LINGO2: variants seen among roughly 807,000 people sequenced by gnomAD.
LINGO2 encodes the protein leucine-rich repeat and immunoglobulin-like domain-containing nogo receptor-interacting protein 2.
Under a neutral mutation model 30.6 loss-of-function variants are expected in LINGO2, and 14 were observed. The ratio of observed to expected loss-of-function variants is 0.46; its 90% CI spans 0.30 to 0.72. LINGO2 has a LOEUF of 0.72. Ranked by LOEUF, LINGO2 falls within the 30% of genes least tolerant of loss-of-function variation. The pLI is 0.07. For missense variants in LINGO2, 729 were observed against 751.7 expected, an observed-to-expected ratio of 0.97 and a Z score of 0.35; for synonymous variants, 317 against 288.5, an observed-to-expected ratio of 1.10 and a Z score of -1.00.
intron 4 of LINGO2, among the ~76,000 whole-genome samples, chr9:28,239,342 A>T (rs1246907247): frequency 6.6e-6 from 1 of 152,080 alleles, no homozygotes; most frequent in African/African-American, 2.4e-5. Flanking sequence ...AAAAAAGAAA[A>T]CCACAGGCCA....
At chr9:29,213,480 G>GGGCGGGC in the LINGO2 span, among the ~76,000 whole-genome samples, 11 of 152,080 alleles carry the variant, frequency 7.2e-5, no homozygotes, top group Non-Finnish European at 1.5e-4. Flanking sequence ...GTGCGGGGCT[G>GGGCGGGC]GGCGGGCGGC....
At chr9:29,100,188 C>T in the LINGO2 span, among the ~76,000 whole-genome samples, 1 of 152,088 alleles carries the variant, frequency 6.6e-6, no homozygotes, top group African/African-American at 2.4e-5. Flanking sequence ...AACAGTTGAA[C>T]TCGTGGATAT....
chr9:29,026,334 G>A, the LINGO2 span, among the ~76,000 whole-genome samples: 1 of 152,110 alleles, frequency 6.6e-6, no homozygotes, highest in African/African-American at 2.4e-5. Flanking sequence ...ATGATGAGTT[G>A]CTTAAAGGAT....
At chr9:28,333,821 A>G (rs1380234314) in intron 3 of LINGO2, among the ~76,000 whole-genome samples, 1 of 152,182 alleles carries the variant, frequency 6.6e-6, no homozygotes, top group Admixed American at 6.6e-5. Flanking sequence ...AAAACTGTAC[A>G]TGAGCAGACA....
intron 1 of LINGO2, among the ~76,000 whole-genome samples, chr9:28,525,002 C>G (rs956867985): frequency 6.6e-6 from 1 of 151,820 alleles, no homozygotes; most frequent in Non-Finnish European, 1.5e-5. Flanking sequence ...AAAGATTAAA[C>G]AATCCAATTC....
At chr9:29,022,190 T>A in the LINGO2 span, among the ~76,000 whole-genome samples, 3 of 152,126 alleles carry the variant, frequency 2.0e-5, no homozygotes, top group Admixed American at 1.3e-4. Context: ...TAATAAAATG[T>A]TGGATATGGA....
At chr9:28,866,768 G>A in the LINGO2 span, among the ~76,000 whole-genome samples, 17 of 152,196 alleles carry the variant, frequency 1.1e-4, no homozygotes, top group African/African-American at 3.6e-4. Flanking sequence ...TTCTATCACC[G>A]GGGGGTAAAT....
intron 4 of LINGO2, among the ~76,000 whole-genome samples, chr9:28,144,459 T>C (rs1244596566): frequency 6.6e-6 from 1 of 152,244 alleles, no homozygotes; most frequent in Non-Finnish European, 1.5e-5. Context: ...GGTGCTTATA[T>C]AAGATTTCTT....
At chr9:28,248,157 T>C (rs1173857042) in intron 4 of LINGO2, among the ~76,000 whole-genome samples, 1 of 152,202 alleles carries the variant, frequency 6.6e-6, no homozygotes, top group African/African-American at 2.4e-5. Flanking sequence ...TTTGCCCTCC[T>C]ATGTTTATCA....
chr9:28,275,369 G>A (rs1184199077), intron 4 of LINGO2, among the ~76,000 whole-genome samples: 2 of 151,898 alleles, frequency 1.3e-5, no homozygotes, highest in Admixed American at 1.3e-4. Flanking sequence ...CACCACACCC[G>A]GCCCTAAAGT....
the LINGO2 span, among the ~76,000 whole-genome samples, chr9:29,095,322 G>C: frequency 6.4e-4 from 88 of 138,454 alleles, 15 homozygotes; most frequent in African/African-American, 2.3e-3. Flanking sequence ...TAGCTAACAA[G>C]ATTTCTCAAA....
At chr9:28,486,576 G>A (rs1564233995) in intron 1 of LINGO2, among the ~76,000 whole-genome samples, 1 of 152,010 alleles carries the variant, frequency 6.6e-6, no homozygotes, top group Non-Finnish European at 1.5e-5. Flanking sequence ...CATGTATGTG[G>A]GTGTGTATGT....
At chr9:28,380,121 A>G (rs560116147) in intron 2 of LINGO2, among the ~76,000 whole-genome samples, 1 of 152,208 alleles carries the variant, frequency 6.6e-6, no homozygotes, top group South Asian at 2.1e-4. Flanking sequence ...ACAGCTGAAC[A>G]TGTTTACAAT....
rs538804677 is a variant in LINGO2 at position 28,011,212 on chromosome 9, G to A, written c.-36+1143C>T. Among the ~76,000 whole-genome samples, 3 of 152,288 alleles carry A rather than the reference G, an allele frequency of 2.0e-5. No homozygotes were observed. The East Asian group carries it at 5.8e-4, about 29-fold the overall frequency. ...TTTAAATCAGCAGTAAGGAACGAAG[G>A]CTGAATTTCTGTGACACGACACAAA... On this transcript the variant is annotated intron_variant, in intron 5 of 5. Coordinates refer to ENST00000379992, the Ensembl canonical transcript of LINGO2.
the LINGO2 span, among the ~76,000 whole-genome samples, chr9:29,188,895 C>T: frequency 1.3e-5 from 2 of 149,728 alleles, no homozygotes; most frequent in South Asian, 2.1e-4. Flanking sequence ...CCTCACTTCC[C>T]AGTAGGGGTG....
chr9:28,496,256 G>C (rs988046415), intron 1 of LINGO2, among the ~76,000 whole-genome samples: 75 of 152,168 alleles, frequency 4.9e-4, no homozygotes, highest in Non-Finnish European at 4.9e-4. Context: ...TGTTGACAGT[G>C]GGGTGTTAAA....
At chr9:28,559,445 A>G (rs537089415) in intron 1 of LINGO2, among the ~76,000 whole-genome samples, 9 of 152,210 alleles carry the variant, frequency 5.9e-5, no homozygotes, top group African/African-American at 1.7e-4. Flanking sequence ...TTCAAACATA[A>G]TAGGTCATTG....
intron 2 of LINGO2, among the ~76,000 whole-genome samples, chr9:28,404,925 T>TGTGTGTGC (rs1564178544): frequency 7.1e-6 from 1 of 141,708 alleles, no homozygotes; most frequent in African/African-American, 2.5e-5. Flanking sequence ...TGTGTGTGTG[T>TGTGTGTGC]GTAAAATTCC....
chr9:28,893,877 A>G, the LINGO2 span, among the ~76,000 whole-genome samples: 1 of 151,886 alleles, frequency 6.6e-6, no homozygotes, highest in African/African-American at 2.4e-5. Flanking sequence ...CATTAGGTAT[A>G]TCTCCTAATG....
Sources: gnomAD v4.1 joint callset for allele counts (sites outside exome capture counted in the v4.1 genomes callset) on GRCh38, gnomAD v4.1.1 for gene constraint, MANE v1.5 for transcripts, NCBI Gene and HGNC (gene_info 2026-07-23, HGNC 2026-07-21) for gene names.